Variants in CEP128 observed in about 807,000 individuals in gnomAD.
The protein encoded by CEP128 is centrosomal protein 128.
A neutral mutation model predicts 156.7 loss-of-function variants in CEP128; 132 were observed. The observed-to-expected ratio is 0.84, with a 90% confidence interval of 0.73 to 0.97. The LOEUF is 0.97. CEP128 is among the 50% of genes least tolerant of loss of function. The pLI is 0.00. For missense variants in CEP128, 1,252 were observed against 1,281.9 expected, an observed-to-expected ratio of 0.98 and a Z score of 0.36; for synonymous variants, 469 against 448.9, an observed-to-expected ratio of 1.04 and a Z score of -0.57.
At chr14:80,501,299 C>T (rs1460099492) in intron 24 of CEP128, among the ~76,000 whole-genome samples, 7 of 151,972 alleles carry the variant, frequency 4.6e-5, no homozygotes, top group Admixed American at 4.6e-4. Context: ...AGGAAGGAGG[C>T]GCAGAAGATG....
At chr14:80,638,208 A>G (rs1345928045) in intron 19 of CEP128, among the ~76,000 whole-genome samples, 11 of 152,206 alleles carry the variant, frequency 7.2e-5, no homozygotes, top group Non-Finnish European at 2.9e-5. Context: ...AAGAACAATG[A>G]ATGGCCAAAT....
downstream of CEP128, among the ~76,000 whole-genome samples, chr14:80,494,635 A>G (rs917330168): frequency 1.6e-4 from 25 of 152,206 alleles, no homozygotes; most frequent in Non-Finnish European, 3.1e-4. Context: ...TGTACTTTGC[A>G]TATCACTGAA....
chr14:80,679,790 C>T (rs1896240957), intron 19 of CEP128, among the ~76,000 whole-genome samples: 1 of 152,166 alleles, frequency 6.6e-6, no homozygotes, highest in African/African-American at 2.4e-5. Flanking sequence ...CACCCCCTCC[C>T]CTTTTGAAGT....
intron 2 of CEP128, among the ~76,000 whole-genome samples, chr14:80,949,438 TAC>T (rs1036653038): frequency 2.0e-5 from 3 of 152,042 alleles, no homozygotes; most frequent in African/African-American, 7.2e-5. Context: ...TACTAATCAT[TAC>T]ACACATGTGA....
chr14:80,597,294 G>A (rs1258481865), intron 19 of CEP128, among the ~76,000 whole-genome samples: 1 of 151,962 alleles, frequency 6.6e-6, no homozygotes, highest in Non-Finnish European at 1.5e-5. Context: ...GGATTTTAAG[G>A]GAAGACTGCA....
Position 80,825,922 on chromosome 14 carries a change from A to G in CEP128, c.1209+5221T>C, listed in dbSNP as rs545440560. Among the ~76,000 whole-genome samples the G allele has an allele frequency of 5.3e-5, 8 of 152,124 alleles. No homozygotes were observed. In the East Asian group the frequency reaches 1.2e-3, roughly 22 times the overall value. ...GGAGTTCGAGACCAGCCTCGCCAAC[A>G]TGGTGAAACCCCGTCTCTACTAAAA... On this transcript the variant is annotated intron_variant, in intron 13 of 24. Coordinates refer to ENST00000555265, the MANE Select transcript of CEP128 (RefSeq NM_152446.5).
At chr14:80,887,698 C>T (rs186100662) in intron 8 of CEP128, among the ~76,000 whole-genome samples, 6 of 152,142 alleles carry the variant, frequency 3.9e-5, no homozygotes, top group South Asian at 4.2e-4. Flanking sequence ...AATCGATACC[C>T]TAACATCATA....
intron 9 of CEP128, among the ~76,000 whole-genome samples, chr14:80,853,251 T>C (rs1358833713): frequency 6.6e-6 from 1 of 151,808 alleles, no homozygotes; most frequent in Non-Finnish European, 1.5e-5. Flanking sequence ...CAAGAATTCT[T>C]GCTATCTTTG....
Position 80,816,904 on chromosome 14 carries a change from G to A in CEP128, c.1209+14239C>T, listed in dbSNP as rs375544034. 4.0e-5 allele frequency among the ~76,000 whole-genome samples: 6 copies of A among 151,360 alleles called. No individual in the cohort carries two copies. In the East Asian group the frequency reaches 5.8e-4, roughly 15 times the overall value. ...ATTGGCAAAACCCTAATCCTGCTAA[G>A]AGGTCAACTTTAATTAAGTTAGACT... On this transcript the variant is annotated intron_variant, in intron 13 of 24. Coordinates refer to ENST00000555265, the MANE Select transcript of CEP128 (RefSeq NM_152446.5).
At chr14:80,712,820 T>A (rs1046175083) in intron 19 of CEP128, among the ~76,000 whole-genome samples, 1 of 152,094 alleles carries the variant, frequency 6.6e-6, no homozygotes, top group Non-Finnish European at 1.5e-5. Context: ...AAACGAGAAA[T>A]AACCAAGTCG....
intron 3 of CEP128, 137 bp downstream of exon 3, chr14:80,916,264 T>C: frequency 1.4e-6 from 1 of 703,818 alleles, no homozygotes; most frequent in Non-Finnish European, 2.4e-6. Context: ...GACCTTAAGA[T>C]AATAAATTTG....
intron 2 of CEP128, among the ~76,000 whole-genome samples, chr14:80,948,381 G>A (rs1318097834): frequency 6.6e-6 from 1 of 152,168 alleles, no homozygotes; most frequent in Non-Finnish European, 1.5e-5. Flanking sequence ...ACTAATTATA[G>A]GTAATTATCA....
At chr14:80,778,541 G>A (rs1900925872) in intron 15 of CEP128, among the ~76,000 whole-genome samples, 1 of 152,106 alleles carries the variant, frequency 6.6e-6, no homozygotes, top group African/African-American at 2.4e-5. Flanking sequence ...AAATAATGGT[G>A]TACTTTTTAT....
At chr14:80,777,597 C>A (rs1900863905) in intron 16 of CEP128, among the ~76,000 whole-genome samples, 1 of 152,100 alleles carries the variant, frequency 6.6e-6, no homozygotes, top group Non-Finnish European at 1.5e-5. Context: ...TATAGTAGAT[C>A]CTCAATAAAC....
chr14:80,820,788 A>T (rs1464628239), intron 13 of CEP128, among the ~76,000 whole-genome samples: 1 of 152,238 alleles, frequency 6.6e-6, no homozygotes, highest in Non-Finnish European at 1.5e-5. Context: ...CATCACTCAC[A>T]AAAGCAGAAA....
chr14:80,871,723 C>T (rs777442283), intron 8 of CEP128, among the ~76,000 whole-genome samples: 1 of 151,894 alleles, frequency 6.6e-6, no homozygotes, highest in African/African-American at 2.4e-5. Flanking sequence ...CTAAAAAATT[C>T]ATATTTACCA....
At chr14:80,587,141 C>A (rs1247199757) in intron 19 of CEP128, among the ~76,000 whole-genome samples, 1 of 151,844 alleles carries the variant, frequency 6.6e-6, no homozygotes, top group Non-Finnish European at 1.5e-5. Context: ...ACAAAAAAGG[C>A]CTATTAGTAA....
intron 9 of CEP128, among the ~76,000 whole-genome samples, chr14:80,850,969 T>C (rs905782518): frequency 3.3e-5 from 5 of 152,200 alleles, no homozygotes; most frequent in Admixed American, 6.5e-5. Flanking sequence ...GAATATATCA[T>C]TGTAACTACT....
rs1883453973 is a variant in CEP128 at position 80,796,052 on chromosome 14, C to T, written c.1210-2942G>A. The stretch of plus-strand genomic sequence containing the variant: ...ACCATGTACTCATCTTCCTCTTAAG[C>T]CAAGATCCTGGAAAGAGTGGTCCAT... On this transcript the variant is annotated intron_variant, in intron 13 of 24. Transcript: ENST00000555265. 3.9e-5 allele frequency among the ~76,000 whole-genome samples: 6 copies of T among 152,258 alleles called. No homozygotes were observed. In the South Asian group the frequency reaches 1.2e-3, roughly 32 times the overall value.
Sources: gnomAD v4.1 joint callset for allele counts (sites outside exome capture counted in the v4.1 genomes callset) on GRCh38, gnomAD v4.1.1 for gene constraint, MANE v1.5 for transcripts, NCBI Gene and HGNC (gene_info 2026-07-23, HGNC 2026-07-21) for gene names.